Variants in SLK observed in about 807,000 individuals in gnomAD.
The protein encoded by SLK is STE20-like serine/threonine-protein kinase.
In SLK, 67 loss-of-function variants were observed where a neutral mutation model predicts 147.7. The observed-to-expected ratio is 0.45, with a 90% CI of 0.37 to 0.56. The LOEUF (loss-of-function observed/expected upper bound fraction) is 0.56, where lower values mean the gene tolerates loss of function less well. Ranked by LOEUF, SLK falls within the 20% of genes least tolerant of loss-of-function variation. SLK has a pLI of 0.00. For synonymous variants in SLK, 441 were observed against 475.0 expected (o/e 0.93, Z 0.93); for missense variants, 1,136 against 1,438.8 (o/e 0.79, Z 3.41).
chr10:104,020,713 A>G, intron 17 of SLK, 100 bp downstream of exon 17: 2 of 1,286,414 alleles, frequency 1.6e-6, no homozygotes, highest in Non-Finnish European at 2.2e-6. Context: ...TGCATCATAC[A>G]CGAACATGCT....
intron 3 of SLK, 119 bp downstream of exon 3, chr10:103,992,765 A>G (rs933868501): frequency 5.0e-6 from 1 of 198,326 alleles, no homozygotes; most frequent in Non-Finnish European, 8.4e-6. Context: ...TCAGTAAGTT[A>G]ACTCAAGTAT....
intron 4 of SLK, among the ~76,000 whole-genome samples, chr10:103,994,945 C>T (rs914163396): frequency 1.3e-5 from 2 of 152,148 alleles, no homozygotes; most frequent in East Asian, 1.9e-4. Flanking sequence ...GGAGGCACAC[C>T]GTGTCTGCTT....
chr10:104,023,417 GATTA>G (rs1272347756), intron 18 of SLK, among the ~76,000 whole-genome samples: 1 of 152,128 alleles, frequency 6.6e-6, no homozygotes, highest in Non-Finnish European at 1.5e-5. Context: ...GACACTTACT[GATTA>G]ATTTTCTCAC....
chr10:103,993,702 T>C (rs992525996), intron 4 of SLK, among the ~76,000 whole-genome samples: 2 of 152,160 alleles, frequency 1.3e-5, no homozygotes, highest in African/African-American at 2.4e-5. Context: ...TAGATGTAGG[T>C]CTTATGAAAG....
chr10:104,024,038 C>T (rs903930964), intron 18 of SLK, among the ~76,000 whole-genome samples: 10 of 152,194 alleles, frequency 6.6e-5, no homozygotes, highest in Admixed American at 5.2e-4. Flanking sequence ...CACGTTTCCG[C>T]GCTCACTGCA....
intron 13 of SLK, among the ~76,000 whole-genome samples, chr10:104,011,490 A>G (rs1844399341): frequency 6.6e-6 from 1 of 152,104 alleles, no homozygotes; most frequent in Non-Finnish European, 1.5e-5. Context: ...GACTATTTTT[A>G]CCTATATAGA....
rs182305432 is a variant in SLK at position 103,993,774 on chromosome 10, T to C, written c.514+641T>C. On this transcript the variant is annotated intron_variant, in intron 4 of 18. Coordinates refer to ENST00000369755, the MANE Select transcript of SLK (RefSeq NM_014720.4). Reference sequence around the variant, plus strand: ...AAAGTCTAGAGATGAAGTCCAAATTTGTATATTTTGGAAGGCTATTCAAAG... The same window carrying C: ...AAAGTCTAGAGATGAAGTCCAAATTCGTATATTTTGGAAGGCTATTCAAAG... 8.5e-5 allele frequency among the ~76,000 whole-genome samples: 13 copies of C among 152,324 alleles called. No individual in the cohort carries two copies. The East Asian group carries it at 2.5e-3, about 29-fold the overall frequency.
At chr10:104,017,052 A>G (rs1031615146) in intron 13 of SLK, among the ~76,000 whole-genome samples, 4 of 152,180 alleles carry the variant, frequency 2.6e-5, no homozygotes, top group Admixed American at 1.3e-4. Context: ...TCTTCTGTAA[A>G]TGTATGATTC....
intron 2 of SLK, among the ~76,000 whole-genome samples, chr10:103,991,203 T>G (rs1844088687): frequency 6.6e-6 from 1 of 152,152 alleles, no homozygotes. Flanking sequence ...TGTTTATAAT[T>G]TTTTATCCTA....
intron 1 of SLK, chr10:103,974,958 C>T (rs1843849167): frequency 6.8e-6 from 1 of 147,910 alleles, no homozygotes; most frequent in African/African-American, 2.5e-5. Flanking sequence ...TGTGAGCCAT[C>T]TCACCTGGCC....
chr10:104,010,906 C>T lies in SLK; in HGVS notation c.2875C>T (p.Gln959Ter). The change falls in exon 13 of 19, where the codon CAG becomes TAG. Residue 959 changes from glutamine to a stop codon, truncating the protein, a stop_gained and splice_region_variant. Coordinates refer to ENST00000369755, the MANE Select transcript of SLK (RefSeq NM_014720.4). LOFTEE classifies it high-confidence loss of function. ...KEELAQSQHAQEQEFVQKQQQ... is the reference protein window; with the variant it reads ...KEELAQSQHA ...GGAGCTTGCACAAAGCCAGCATGCT[C>T]AGGTAACAGCAGCAGCTTAATGCTA... 6.4e-7 allele frequency: 1 copy of T among 1,564,786 alleles called. No individual in the cohort carries two copies. Among genetic ancestry groups the T allele is most frequent in the Non-Finnish European group, 8.6e-7 (1 of 1,162,022 alleles).
rs368748580 is a variant in SLK at position 104,005,596 on chromosome 10, A to G, written c.2385A>G (p.Thr795=). ...GACAAAAGAAAACATTGAAGAAAAC[A>G]CGCAAATTTATTGTTGATGGTGTAG... is the stretch of plus-strand genomic sequence containing the variant. ...TRRQKKTLKK[T]RKFIVDGVEV... The change falls in exon 10 of 19, where the codon ACA becomes ACG. Residue 795 remains threonine (T), a synonymous_variant. Transcript: ENST00000369755. The G allele has an allele frequency of 4.4e-6, 7 of 1,607,492 alleles. No homozygotes were observed. In the African/African-American group the frequency reaches 8.0e-5, roughly 18 times the overall value.
chr10:104,005,754 A>G, intron 10 of SLK, 63 bp downstream of exon 10: 2 of 1,526,804 alleles, frequency 1.3e-6, no homozygotes, highest in Non-Finnish European at 1.8e-6. Context: ...CTGAAAAGTC[A>G]GAAGAATAGA....
chr10:103,989,739 A>G (rs1193358136), intron 1 of SLK, among the ~76,000 whole-genome samples: 2 of 152,142 alleles, frequency 1.3e-5, no homozygotes, highest in Middle Eastern at 3.2e-3. Context: ...AAGTGCTGGG[A>G]TTACAGGCGT....
intron 9 of SLK, among the ~76,000 whole-genome samples, chr10:104,004,100 A>T (rs1844292971): frequency 6.6e-6 from 1 of 151,958 alleles, no homozygotes; most frequent in Admixed American, 6.6e-5. Flanking sequence ...AAAAAAAAAG[A>T]TCCCACAGAG....
At position 104,025,611 on chromosome 10, in the gene SLK, A is replaced by G; in HGVS notation, c.3599A>G (p.Gln1200Arg). 6.2e-7 allele frequency: 1 copy of G among 1,614,010 alleles called. No homozygotes were observed. The highest frequency in any genetic ancestry group is 8.5e-7 in the Non-Finnish European group (1 of 1,179,862). The change falls in exon 19 of 19, where the codon CAG (glutamine) becomes CGG (arginine). Residue 1200 changes from glutamine (Q) to arginine (R), a missense_variant. By Grantham distance (43) the Gln-to-Arg change is conservative. Around this residue, in one of 6 missense-constraint regions of SLK, gnomAD observed 327 missense variants for 457.5 expected, o/e 0.71. Transcript: ENST00000369755. ...EEEFARKLQEQEVFFKMTGES... is the reference protein window; with the variant it reads ...EEEFARKLQEREVFFKMTGES... ...GAGTTTGCCAGGAAACTACAGGAAC[A>G]GGAAGTATTCTTTAAAATGACTGGG...
chr10:103,986,967 C>T (rs192299302), intron 1 of SLK, among the ~76,000 whole-genome samples: 3 of 152,116 alleles, frequency 2.0e-5, no homozygotes, highest in Non-Finnish European at 2.9e-5. Flanking sequence ...TGAGCCACCA[C>T]GCCTGGCCTA....
At chr10:104,016,803 C>A (rs573614101) in intron 13 of SLK, among the ~76,000 whole-genome samples, 120 of 152,224 alleles carry the variant, frequency 7.9e-4, no homozygotes, top group Admixed American at 1.6e-3. Context: ...TGGCAGTGAT[C>A]CAGACCTCAT....
Position 103,971,556 on chromosome 10 carries a change from GC to G in SLK, c.150+3663del, listed in dbSNP as rs1843794056. Among the ~76,000 whole-genome samples the G allele has an allele frequency of 1.3e-4, 20 of 152,350 alleles. No individual in the cohort carries two copies. In the South Asian group the frequency reaches 4.1e-3, roughly 32 times the overall value. On this transcript the variant is annotated intron_variant, in intron 1 of 18. Coordinates refer to ENST00000369755, the MANE Select transcript of SLK (RefSeq NM_014720.4). ...CAAAGTGTTGGGATTAGAGGCATGA[GC>G]CACTGCCCCTCACCCCCTGCTGGAT...
Sources: gnomAD v4.1 joint callset for allele counts (sites outside exome capture counted in the v4.1 genomes callset) on GRCh38, gnomAD v4.1.1 for gene constraint, gnomAD v4.1.1 regional missense constraint, MANE v1.5 for transcripts, NCBI Gene and HGNC (gene_info 2026-07-23, HGNC 2026-07-21) for gene names.